The following NFIA variants were observed in gnomAD, a reference collection of about 807,000 sequenced individuals.
NFIA encodes nuclear factor I A.
A neutral mutation model predicts 62.8 loss-of-function variants in NFIA; 8 were observed. The ratio of observed to expected loss-of-function variants is 0.13; its 90% CI spans 0.07 to 0.23. NFIA has a LOEUF of 0.23. NFIA is among the 10% of genes least tolerant of loss of function. The pLI, the probability that NFIA is intolerant of heterozygous loss-of-function variation, is 1.00. For missense variants in NFIA, 410 were observed against 642.1 expected, an observed-to-expected ratio of 0.64 and a Z score of 3.91; for synonymous variants, 235 against 238.1, an observed-to-expected ratio of 0.99 and a Z score of 0.12.
At chr1:61,254,089 T>C (rs1656224307) in intron 2 of NFIA, among the ~76,000 whole-genome samples, 1 of 152,208 alleles carries the variant, frequency 6.6e-6, no homozygotes, top group Non-Finnish European at 1.5e-5. Flanking sequence ...TAAAGTACTT[T>C]GTGTGGGTTT....
intron 2 of NFIA, among the ~76,000 whole-genome samples, chr1:61,147,789 C>G (rs1328122399): frequency 6.6e-6 from 1 of 151,934 alleles, no homozygotes; most frequent in Non-Finnish European, 1.5e-5. Context: ...AAGTGTGTGC[C>G]CTGAAACTTC....
chr1:61,225,180 T>C (rs1420936466), intron 2 of NFIA, among the ~76,000 whole-genome samples: 1 of 151,684 alleles, frequency 6.6e-6, no homozygotes, highest in Non-Finnish European at 1.5e-5. Context: ...GAGAAGGAAA[T>C]TGATTTGAAG....
chr1:61,167,926 C>T (rs1649693962), intron 2 of NFIA, among the ~76,000 whole-genome samples: 1 of 152,110 alleles, frequency 6.6e-6, no homozygotes, highest in Non-Finnish European at 1.5e-5. Context: ...GTTGGATGCT[C>T]TCCACATATA....
At chr1:61,280,287 A>T (rs765061797) in intron 3 of NFIA, among the ~76,000 whole-genome samples, 1 of 152,226 alleles carries the variant, frequency 6.6e-6, no homozygotes, top group Non-Finnish European at 1.5e-5. Context: ...ACCTCAGGAT[A>T]TGAAGATGAA....
intron 2 of NFIA, among the ~76,000 whole-genome samples, chr1:61,174,075 A>G (rs1650159688): frequency 6.6e-6 from 1 of 152,316 alleles, no homozygotes; most frequent in South Asian, 2.1e-4. Context: ...TCTCCACTGT[A>G]AGCACTGTTT....
At chr1:61,138,592 TATTA>T (rs987487691) in intron 2 of NFIA, among the ~76,000 whole-genome samples, 101 of 137,990 alleles carry the variant, frequency 7.3e-4, no homozygotes, top group African/African-American at 2.9e-3. Context: ...TTTATTTATT[TATTA>T]TTGAGACAAG....
chr1:61,433,163 G>T (rs998473900), intron 10 of NFIA, among the ~76,000 whole-genome samples: 1 of 152,178 alleles, frequency 6.6e-6, no homozygotes, highest in Non-Finnish European at 1.5e-5. Context: ...TAGTCCCAGT[G>T]CTCCCTGGCT....
chr1:61,281,437 C>G (rs1203040784), intron 3 of NFIA, among the ~76,000 whole-genome samples: 1 of 152,022 alleles, frequency 6.6e-6, no homozygotes, highest in African/African-American at 2.4e-5. Flanking sequence ...AAGCTGGGAG[C>G]CTTGGAGTGG....
At chr1:61,231,289 C>T (rs1016908560) in intron 2 of NFIA, among the ~76,000 whole-genome samples, 9 of 152,106 alleles carry the variant, frequency 5.9e-5, no homozygotes, top group African/African-American at 2.2e-4. Context: ...TAAAGTATCA[C>T]TATACACATA....
rs192939193 is a variant in NFIA, at chr1:61,405,350, G to A, written c.1254+1068G>A. Among the ~76,000 whole-genome samples the A allele has an allele frequency of 1.1e-4, 17 of 152,240 alleles. No individual in the cohort carries two copies. In the East Asian group the frequency reaches 1.9e-3, roughly 17 times the overall value. On this transcript the variant is annotated intron_variant, in intron 8 of 10. Transcript: ENST00000403491. ...GACTCTCAGCCCACTCAGAAATAAC[G>A]CAAAGGCAAGGTTGCTGGCAAGAAA...
At chr1:61,288,361 C>A (rs1658643753) in intron 3 of NFIA, among the ~76,000 whole-genome samples, 1 of 152,098 alleles carries the variant, frequency 6.6e-6, no homozygotes, top group South Asian at 2.1e-4. Flanking sequence ...ATGTTTTCAT[C>A]TGTAATTGGG....
chr1:61,236,445 T>C lies in NFIA; in HGVS notation c.560-41075T>C, dbSNP rs540176574. Among the ~76,000 whole-genome samples the C allele has an allele frequency of 5.3e-5, 8 of 152,336 alleles. No individual in the cohort carries two copies. In the East Asian group the frequency reaches 1.5e-3, roughly 29 times the overall value. ...TAATTTTTACGTTATTTATTTGATA[T>C]GATTTCTCACCAATGTACTTCATCA... On this transcript the variant is annotated intron_variant, in intron 2 of 10. Coordinates refer to ENST00000403491, the MANE Select transcript of NFIA (RefSeq NM_001134673.4).
intron 3 of NFIA, among the ~76,000 whole-genome samples, chr1:61,278,623 A>C (rs113514416): frequency 0.017 from 2,631 of 152,232 alleles, 75 homozygotes; most frequent in African/African-American, 0.06. Context: ...TCATGTCTTT[A>C]CTAAAAATAG....
intron 3 of NFIA, among the ~76,000 whole-genome samples, chr1:61,290,787 A>G (rs1419328686): frequency 6.6e-6 from 1 of 152,202 alleles, no homozygotes; most frequent in Non-Finnish European, 1.5e-5. Flanking sequence ...GTAGTTACCA[A>G]CTGGTGGTCC....
chr1:61,242,532 G>T (rs930651105), intron 2 of NFIA, among the ~76,000 whole-genome samples: 1 of 152,118 alleles, frequency 6.6e-6, no homozygotes, highest in Non-Finnish European at 1.5e-5. Flanking sequence ...AAAATGGCAG[G>T]ATTTGTGGTA....
chr1:61,295,535 A>G (rs1659147292), intron 3 of NFIA, among the ~76,000 whole-genome samples: 1 of 152,038 alleles, frequency 6.6e-6, no homozygotes, highest in Non-Finnish European at 1.5e-5. Flanking sequence ...TGGTCGTCTA[A>G]TTGGAGCTTG....
chr1:61,331,250 T>A (rs1477650380), intron 3 of NFIA, among the ~76,000 whole-genome samples: 1 of 152,132 alleles, frequency 6.6e-6, no homozygotes, highest in East Asian at 1.9e-4. Context: ...AACTGAAATT[T>A]AAAAAAATCT....
chr1:61,164,454 TTTTG>T (rs916105948), intron 2 of NFIA, among the ~76,000 whole-genome samples: 4 of 152,030 alleles, frequency 2.6e-5, no homozygotes, highest in Admixed American at 6.5e-5. Context: ...TATGTGTTTT[TTTTG>T]TTTGTTTGTT....
chr1:61,118,751 A>G (rs1044691747), intron 2 of NFIA, among the ~76,000 whole-genome samples: 9 of 151,756 alleles, frequency 5.9e-5, no homozygotes, highest in Admixed American at 5.9e-4. Context: ...GTTAAGGGAG[A>G]GTGACCTAAA....
Sources: gnomAD v4.1 joint callset for allele counts (sites outside exome capture counted in the v4.1 genomes callset) on GRCh38, gnomAD v4.1.1 for gene constraint, MANE v1.5 for transcripts, NCBI Gene and HGNC (gene_info 2026-07-23, HGNC 2026-07-21) for gene names.